Variants in FAM228A observed in about 807,000 individuals in gnomAD.
The protein encoded by FAM228A is family with sequence similarity 228 member A, also known as protein FAM228A.
FAM228A carries 13 observed loss-of-function variants against 18.6 expected under a neutral mutation model. That is an observed-to-expected ratio of 0.70 (90% CI 0.45 to 1.11). FAM228A has a LOEUF of 1.11. Among genes scored for constraint, FAM228A ranks in the 50% least tolerant of loss-of-function variants. The pLI, the probability that FAM228A is intolerant of heterozygous loss-of-function variation, is 0.00. For missense variants in FAM228A, 240 were observed against 242.2 expected (o/e 0.99, Z 0.06); for synonymous variants, 77 against 86.6 (o/e 0.89, Z 0.61).
chr2:24,191,267 GC>G lies in FAM228A; in HGVS notation c.*637del, dbSNP rs1054187769. ...AGGGGGCTTGGTGGGCCACCGCTCAGCTCAGGACCTGACAGCGTCACTCCCA... is the reference window on the plus strand; with the variant it reads ...AGGGGGCTTGGTGGGCCACCGCTCAGTCAGGACCTGACAGCGTCACTCCCA... On this transcript the variant is annotated 3_prime_UTR_variant, in exon 6 of 6. Coordinates refer to ENST00000295150, the MANE Select transcript of FAM228A (RefSeq NM_001040710.3). The G allele has an allele frequency of 1.3e-5, 13 of 985,558 alleles. No homozygotes were observed. The African/African-American group carries it at 1.7e-4, about 13-fold the overall frequency. 61.1% of individuals were successfully genotyped at this position (985,558 alleles called of 1,614,324 possible).
intron 3 of FAM228A, among the ~76,000 whole-genome samples, chr2:24,180,399 C>T (rs1176242872): frequency 6.6e-6 from 1 of 151,936 alleles, no homozygotes; most frequent in Non-Finnish European, 1.5e-5. Context: ...TTGCAGTGAG[C>T]CATGATCGTG....
intron 2 of FAM228A, chr2:24,176,058 T>G: frequency 2.0e-6 from 2 of 985,458 alleles, no homozygotes; most frequent in Non-Finnish European, 2.4e-6. Flanking sequence ...AAAGTGCTGC[T>G]GCAAATCATG....
intron 3 of FAM228A, 138 bp downstream of exon 3, chr2:24,178,008 T>A: frequency 1.7e-6 from 1 of 579,932 alleles, no homozygotes; most frequent in East Asian, 2.9e-5. Context: ...CTAATTTACT[T>A]GTTTGTACTA....
chr2:24,183,485 C>T lies in FAM228A; in HGVS notation c.251-10C>T, dbSNP rs765395445. On this transcript the variant is annotated splice_polypyrimidine_tract_variant and intron_variant, in intron 4 of 5. Coordinates refer to ENST00000295150, the MANE Select transcript of FAM228A (RefSeq NM_001040710.3). ...AAGAGTGTTGATTTCGATTTTTTAT[C>T]TTCCTGTAGGAAAACGACATTCCAT... 2.4e-5 allele frequency: 39 copies of T among 1,608,448 alleles called. No individual in the cohort carries two copies. Among genetic ancestry groups the T allele is most frequent in the Non-Finnish European group, 3.2e-5 (38 of 1,177,142 alleles).
intron 5 of FAM228A, chr2:24,188,641 C>T (rs1009427757): frequency 1.0e-6 from 1 of 985,420 alleles, no homozygotes; most frequent in Non-Finnish European, 1.2e-6. Flanking sequence ...TACCTTGGTA[C>T]TTAATATTGG....
chr2:24,189,760 G>C (rs569426796), intron 5 of FAM228A, among the ~76,000 whole-genome samples: 8 of 152,180 alleles, frequency 5.3e-5, no homozygotes, highest in Non-Finnish European at 8.8e-5. Context: ...AGTAAGAAAA[G>C]GACTTGAGAG....
chr2:24,191,132 C>G lies in FAM228A; in HGVS notation c.*501C>G, dbSNP rs371349880. On this transcript the variant is annotated 3_prime_UTR_variant, in exon 6 of 6. Coordinates refer to ENST00000295150, the MANE Select transcript of FAM228A (RefSeq NM_001040710.3). ...GAGTATGGATTTCTTATCCAGAGCT[C>G]ATGGTTCATTTGACACAGTTTTCAG... 1 of 985,564 alleles carries G rather than the reference C, an allele frequency of 1.0e-6. No individual in the cohort carries two copies. 61.1% of individuals were successfully genotyped at this position (985,564 alleles called of 1,614,324 possible). A position where few individuals can be genotyped will look rare whatever the true frequency, so the allele number is the denominator to read the frequency against.
At chr2:24,179,178 A>C (rs1376965737) in intron 3 of FAM228A, 1 of 1,175,508 alleles carries the variant, frequency 8.5e-7, no homozygotes, top group East Asian at 7.2e-5. Context: ...TTACATAAAA[A>C]ATGGGTTGAA....
chr2:24,177,107 A>G (rs1667710370), intron 2 of FAM228A, among the ~76,000 whole-genome samples: 1 of 152,228 alleles, frequency 6.6e-6, no homozygotes, highest in Admixed American at 6.5e-5. Flanking sequence ...ACTTATGAAG[A>G]GATCTAGCAA....
At chr2:24,189,244 G>A (rs1287696529) in intron 5 of FAM228A, among the ~76,000 whole-genome samples, 2 of 152,124 alleles carry the variant, frequency 1.3e-5, no homozygotes, top group East Asian at 3.8e-4. Context: ...TTATGACAAA[G>A]CCCAGGCCCT....
intron 3 of FAM228A, 70 bp downstream of exon 3, chr2:24,177,940 C>A: frequency 3.2e-6 from 3 of 945,584 alleles, no homozygotes; most frequent in Non-Finnish European, 3.2e-6. Context: ...ACAACATGGC[C>A]AAGAGTTTAT....
chr2:24,184,369 G>T (rs531410965), intron 5 of FAM228A, among the ~76,000 whole-genome samples: 1 of 138,872 alleles, frequency 7.2e-6, no homozygotes, highest in African/African-American at 2.6e-5. Flanking sequence ...AACAGAGTGA[G>T]ACACTGTCAA....
chr2:24,175,636 G>GTT (rs1369966471), intron 2 of FAM228A, 63 bp downstream of exon 2: 2 of 1,232,268 alleles, frequency 1.6e-6, no homozygotes, highest in Non-Finnish European at 2.4e-6. Flanking sequence ...TTTGGGAACT[G>GTT]TTTATCTTAA....
chr2:24,185,185 G>A (rs548120690), intron 5 of FAM228A, among the ~76,000 whole-genome samples: 2 of 152,244 alleles, frequency 1.3e-5, no homozygotes, highest in African/African-American at 4.8e-5. Context: ...CTTTTTGTAT[G>A]TATTTTATGT....
intron 3 of FAM228A, among the ~76,000 whole-genome samples, chr2:24,179,478 G>C (rs1056010929): frequency 6.6e-6 from 1 of 152,184 alleles, no homozygotes; most frequent in African/African-American, 2.4e-5. Flanking sequence ...TTTGGAACTA[G>C]ATTTATCAGG....
chr2:24,182,724 T>C (rs1667844423), intron 3 of FAM228A, among the ~76,000 whole-genome samples: 1 of 152,104 alleles, frequency 6.6e-6, no homozygotes, highest in Non-Finnish European at 1.5e-5. Context: ...ACTGGATGAC[T>C]AGGCTGTCTA....
At chr2:24,188,882 T>C (rs1668017134) in intron 5 of FAM228A, among the ~76,000 whole-genome samples, 3 of 152,214 alleles carry the variant, frequency 2.0e-5, no homozygotes, top group African/African-American at 7.2e-5. Context: ...TTATACACTC[T>C]CAATATTTTG....
chr2:24,180,088 A>G (rs974598657), intron 3 of FAM228A, among the ~76,000 whole-genome samples: 11 of 152,094 alleles, frequency 7.2e-5, no homozygotes, highest in Non-Finnish European at 1.2e-4. Flanking sequence ...CTCTATTTGC[A>G]GTATCAAATA....
At chr2:24,183,692 C>A in intron 5 of FAM228A, 47 bp downstream of exon 5, 1 of 1,500,150 alleles carries the variant, frequency 6.7e-7, no homozygotes, top group Non-Finnish European at 9.0e-7. Context: ...TTGCAACTTA[C>A]TTTATTTCCT....
Sources: gnomAD v4.1 joint callset for allele counts (sites outside exome capture counted in the v4.1 genomes callset) on GRCh38, gnomAD v4.1.1 for gene constraint, MANE v1.5 for transcripts, NCBI Gene and HGNC (gene_info 2026-07-23, HGNC 2026-07-21) for gene names.